Variants in ADAMTS12 observed in about 807,000 individuals in gnomAD.
The protein encoded by ADAMTS12 is ADAM metallopeptidase with thrombospondin type 1 motif 12.
A neutral mutation model predicts 167.8 loss-of-function variants in ADAMTS12; 118 were observed. The observed-to-expected ratio is 0.70, with a 90% CI of 0.61 to 0.82. ADAMTS12 has a LOEUF of 0.82. Ranked by LOEUF, ADAMTS12 falls within the 40% of genes least tolerant of loss-of-function variation. The pLI is 0.00. For synonymous variants in ADAMTS12, 704 were observed against 716.9 expected (o/e 0.98, Z 0.29); for missense variants, 1,916 against 1,998.8 (o/e 0.96, Z 0.79).
intron 2 of ADAMTS12, among the ~76,000 whole-genome samples, chr5:33,771,838 CT>C (rs1282325654): frequency 8.2e-4 from 118 of 144,176 alleles, no homozygotes; most frequent in Middle Eastern, 3.6e-3. Flanking sequence ...TTCTTTCTTT[CT>C]TTTTTTTTTT....
chr5:33,851,442 G>T (rs915577956), intron 2 of ADAMTS12, among the ~76,000 whole-genome samples: 2 of 152,072 alleles, frequency 1.3e-5, no homozygotes, highest in African/African-American at 4.8e-5. Flanking sequence ...AAGGAAAGAG[G>T]AGTCTATTTG....
chr5:33,603,300 T>C (rs1398907633), intron 16 of ADAMTS12: 1 of 152,214 alleles, frequency 6.6e-6, no homozygotes, highest in Admixed American at 6.6e-5. Flanking sequence ...AATATTTTCT[T>C]ATAAGGAGTC....
intron 3 of ADAMTS12, among the ~76,000 whole-genome samples, chr5:33,707,580 G>T (rs1743247035): frequency 6.6e-6 from 1 of 152,140 alleles, no homozygotes; most frequent in Non-Finnish European, 1.5e-5. Context: ...TACCAAAACA[G>T]CATGGCACTG....
Position 33,889,669 on chromosome 5 carries a change from T to C in ADAMTS12, c.127+2061A>G, listed in dbSNP as rs562604135. ...GAAATGCTTTTAAAAACTGAAATTA[T>C]TGGCTGGGTACAGTAGTTCACACCT... On this transcript the variant is annotated intron_variant, in intron 1 of 23. Transcript: ENST00000504830. 4.6e-5 allele frequency among the ~76,000 whole-genome samples: 7 copies of C among 152,312 alleles called. No individual in the cohort carries two copies. In the South Asian group the frequency reaches 1.5e-3, roughly 32 times the overall value.
intron 2 of ADAMTS12, among the ~76,000 whole-genome samples, chr5:33,829,628 C>T (rs555462803): frequency 3.3e-5 from 5 of 152,290 alleles, no homozygotes; most frequent in East Asian, 1.9e-4. Flanking sequence ...CTTCAACCCC[C>T]TTGGGTCTTA....
At chr5:33,800,193 T>C (rs1466049995) in intron 2 of ADAMTS12, among the ~76,000 whole-genome samples, 1 of 152,196 alleles carries the variant, frequency 6.6e-6, no homozygotes, top group Non-Finnish European at 1.5e-5. Flanking sequence ...AGTCAGTCTA[T>C]AAATAACAAA....
chr5:33,698,467 G>C (rs1203495333), intron 3 of ADAMTS12, among the ~76,000 whole-genome samples: 2 of 152,110 alleles, frequency 1.3e-5, no homozygotes, highest in Non-Finnish European at 2.9e-5. Context: ...AATCAGATAA[G>C]CTGAAAAAAT....
rs552800911 is a variant in ADAMTS12 at position 33,740,256 on chromosome 5, C to T, written c.634+11148G>A. Reference sequence around the variant, plus strand: ...TAAAAAGAATAATAAATAATCATTGCTTTTCATCTATAGCAAATAATACAG... The same window carrying T: ...TAAAAAGAATAATAAATAATCATTGTTTTTCATCTATAGCAAATAATACAG... On this transcript the variant is annotated intron_variant, in intron 3 of 23. Coordinates refer to ENST00000504830, the MANE Select transcript of ADAMTS12 (RefSeq NM_030955.4). Among the ~76,000 whole-genome samples, 8 of 152,314 alleles carry T rather than the reference C, an allele frequency of 5.3e-5. No individual in the cohort carries two copies. In the South Asian group the frequency reaches 1.4e-3, roughly 28 times the overall value.
chr5:33,574,358 C>T (rs1561136923), intron 19 of ADAMTS12, among the ~76,000 whole-genome samples: 1 of 151,904 alleles, frequency 6.6e-6, no homozygotes, highest in Non-Finnish European at 1.5e-5. Context: ...AAATGTCCAA[C>T]AATGATAGAT....
chr5:33,839,017 A>G (rs976708855), intron 2 of ADAMTS12, among the ~76,000 whole-genome samples: 37 of 152,194 alleles, frequency 2.4e-4, no homozygotes, highest in African/African-American at 8.4e-4. Flanking sequence ...TGTGTGTCCA[A>G]CTTCCTTTGA....
At chr5:33,873,234 CA>C (rs1561320868) in intron 2 of ADAMTS12, among the ~76,000 whole-genome samples, 1 of 147,970 alleles carries the variant, frequency 6.8e-6, no homozygotes, top group African/African-American at 2.5e-5. Flanking sequence ...TTGAAGGACA[CA>C]AGGTTAATAA....
intron 2 of ADAMTS12, among the ~76,000 whole-genome samples, chr5:33,788,310 A>C (rs1264471981): frequency 1.3e-5 from 2 of 152,192 alleles, no homozygotes; most frequent in African/African-American, 4.8e-5. Context: ...TGTCCAATAA[A>C]TACGCAGAAG....
chr5:33,891,087 G>A (rs906611057), intron 1 of ADAMTS12, among the ~76,000 whole-genome samples: 3 of 152,144 alleles, frequency 2.0e-5, no homozygotes, highest in Non-Finnish European at 2.9e-5. Context: ...CCACCAGAAC[G>A]CTTCCAATGC....
At chr5:33,545,991 C>G (rs1045998376) in intron 22 of ADAMTS12, 68 bp downstream of exon 22, 3 of 1,534,398 alleles carry the variant, frequency 2.0e-6, no homozygotes, top group Non-Finnish European at 1.7e-6. Context: ...GCACAGGTAC[C>G]CTAGAACTTA....
chr5:33,608,300 TA>T (rs1453779806), intron 16 of ADAMTS12, among the ~76,000 whole-genome samples: 3 of 152,156 alleles, frequency 2.0e-5, no homozygotes, highest in African/African-American at 7.2e-5. Context: ...ATATTATAAT[TA>T]AAATTACAAG....
At chr5:33,822,952 T>A (rs1259282478) in intron 2 of ADAMTS12, among the ~76,000 whole-genome samples, 1 of 151,530 alleles carries the variant, frequency 6.6e-6, no homozygotes, top group Non-Finnish European at 1.5e-5. Context: ...ATTAGCCAGA[T>A]GTGATGGTGC....
chr5:33,641,286 C>A (rs528019538), intron 11 of ADAMTS12, among the ~76,000 whole-genome samples: 5 of 152,170 alleles, frequency 3.3e-5, no homozygotes, highest in African/African-American at 1.2e-4. Flanking sequence ...CAGGCCACTG[C>A]GGAACTTTAG....
intron 2 of ADAMTS12, among the ~76,000 whole-genome samples, chr5:33,872,329 A>C (rs182790160): frequency 4.6e-5 from 7 of 152,256 alleles, no homozygotes; most frequent in Admixed American, 4.6e-4. Flanking sequence ...GTGGATCACG[A>C]GGTCAGGAGT....
intron 3 of ADAMTS12, among the ~76,000 whole-genome samples, chr5:33,723,378 C>T (rs565057557): frequency 6.6e-6 from 1 of 152,254 alleles, no homozygotes; most frequent in South Asian, 2.1e-4. Flanking sequence ...ATCCTTTTGA[C>T]CCCAAACACC....
Sources: allele counts gnomAD v4.1 joint callset (sites outside exome capture counted in the v4.1 genomes callset), GRCh38; gene constraint gnomAD v4.1.1; transcripts MANE v1.5; gene names NCBI Gene and HGNC (gene_info 2026-07-23, HGNC 2026-07-21).